The following PRH1 variants were observed in gnomAD, a reference collection of about 807,000 sequenced individuals.
The protein encoded by PRH1 is salivary acidic proline-rich phosphoprotein 1/2.
PRH1 carries 7 observed loss-of-function variants against 7.9 expected under a neutral mutation model. The ratio of observed to expected loss-of-function variants is 0.89; its 90% CI spans 0.50 to 1.67. The LOEUF is 1.67. Among genes scored for constraint, PRH1 ranks in the 40% most tolerant of loss-of-function variants. PRH1 has a pLI of 0.00. For missense variants in PRH1, 109 were observed against 223.6 expected (o/e 0.49, Z 3.27); for synonymous variants, 45 against 80.8 (o/e 0.56, Z 2.38).
intron 2 of PRH1, among the ~76,000 whole-genome samples, chr12:10,957,015 T>A (rs1937998942): frequency 6.6e-6 from 1 of 151,936 alleles, no homozygotes; most frequent in Non-Finnish European, 1.5e-5. Flanking sequence ...TCAATGCTAT[T>A]CCTGTCAAAT....
At chr12:10,914,728 A>G (rs1169879381) in intron 2 of PRH1, among the ~76,000 whole-genome samples, 2 of 152,194 alleles carry the variant, frequency 1.3e-5, no homozygotes, top group Non-Finnish European at 2.9e-5. Context: ...TGCAAGCAGG[A>G]AAAAAATATA....
downstream of PRH1, chr12:11,120,713 T>C (rs957550881): frequency 6.6e-6 from 1 of 152,172 alleles, no homozygotes; most frequent in Admixed American, 6.5e-5. Context: ...TTTGGTCCTA[T>C]GGGTGTTATT....
rs546920270 is a variant in PRH1, at chr12:11,062,653, A to G, written n.124-15465T>C. On this transcript the variant is annotated intron_variant and non_coding_transcript_variant, in intron 1 of 4. Coordinates refer to the PRH1 transcript ENST00000541977. ...GACATATTCACTTTCAGTGTTTGCA[A>G]TTTTTCCTTGTGTAACCTCTCCATC... 8.5e-4 allele frequency among the ~76,000 whole-genome samples: 129 copies of G among 152,120 alleles called. No individual in the cohort carries two copies. The Middle Eastern group carries it at 0.014, about 16-fold the overall frequency.
intron 2 of PRH1, among the ~76,000 whole-genome samples, chr12:10,922,342 C>A (rs893516362): frequency 6.6e-6 from 1 of 152,050 alleles, no homozygotes; most frequent in African/African-American, 2.4e-5. Flanking sequence ...CCGGTTTTTT[C>A]ATTTTGATTG....
intron 1 of PRH1, among the ~76,000 whole-genome samples, chr12:11,114,454 G>A (rs1463179523): frequency 6.6e-6 from 1 of 152,090 alleles, no homozygotes; most frequent in Non-Finnish European, 1.5e-5. Flanking sequence ...GCTAAACAAT[G>A]AGAACACATG....
intron 1 of PRH1, among the ~76,000 whole-genome samples, chr12:10,883,841 C>T (rs573284075): frequency 1.3e-5 from 2 of 152,310 alleles, no homozygotes; most frequent in South Asian, 4.1e-4. Context: ...ACAGGATCTT[C>T]ACAGCTGTAC....
intron 2 of PRH1, among the ~76,000 whole-genome samples, chr12:10,924,926 A>G (rs1019839910): frequency 6.6e-6 from 1 of 151,552 alleles, no homozygotes; most frequent in Non-Finnish European, 1.5e-5. Context: ...TGGTCTATCA[A>G]TTTTGTTGAT....
chr12:10,904,063 G>C (rs1555103566), intron 2 of PRH1, among the ~76,000 whole-genome samples: 1 of 151,388 alleles, frequency 6.6e-6, no homozygotes, highest in Non-Finnish European at 1.5e-5. Context: ...CTCATGGATA[G>C]GAAGAATGAA....
chr12:11,061,161 G>T (rs528431533), intron 1 of PRH1, among the ~76,000 whole-genome samples: 6 of 147,772 alleles, frequency 4.1e-5, no homozygotes, highest in African/African-American at 1.5e-4. Context: ...ATGTTCTTTT[G>T]TTTTTCATAC....
chr12:11,018,598 G>A (rs1478923004), intron 1 of PRH1, among the ~76,000 whole-genome samples: 4 of 151,196 alleles, frequency 2.6e-5, no homozygotes, highest in Non-Finnish European at 4.4e-5. Flanking sequence ...TAAAAATAGA[G>A]AATTTATTTG....
chr12:10,942,187 T>C (rs554070954), intron 2 of PRH1, among the ~76,000 whole-genome samples: 46 of 152,250 alleles, frequency 3.0e-4, no homozygotes, highest in African/African-American at 1.1e-3. Context: ...TCTATTTTTG[T>C]GTGGTTGGCC....
intron 1 of PRH1, among the ~76,000 whole-genome samples, chr12:11,136,134 T>C (rs1443648006): frequency 6.6e-6 from 1 of 152,190 alleles, no homozygotes; most frequent in African/African-American, 2.4e-5. Flanking sequence ...TAATTTATAT[T>C]GATTATTTCC....
Position 10,882,568 on chromosome 12 carries a change from T to G in PRH1, c.231A>C (p.Gly77=), listed in dbSNP as rs1220157123. 6.2e-7 allele frequency: 1 copy of G among 1,601,006 alleles called. No individual in the cohort carries two copies. The highest frequency in any genetic ancestry group is 8.5e-7 in the Non-Finnish European group (1 of 1,174,882). Residue 77 remains glycine (G), a synonymous_variant, in exon 3 of 4, where the codon GGA becomes GGC. Transcript: ENST00000543626. ...GTGGTGGACCTTGTTGCTGCTGGCC[T>G]CCTTGTTGGGGTGGTCCCTGCTGAG... The part of the protein sequence containing the change: ...DGPQQGPPQQ[G]GQQQQGPPPP...
intron 1 of PRH1, among the ~76,000 whole-genome samples, chr12:11,066,871 T>C: frequency 8.4e-6 from 1 of 119,368 alleles, no homozygotes. Flanking sequence ...TTCAAGAATT[T>C]CTTTGCTTCT....
At chr12:11,011,167 C>A (rs532498630) in intron 1 of PRH1, among the ~76,000 whole-genome samples, 4 of 152,022 alleles carry the variant, frequency 2.6e-5, no homozygotes, top group Non-Finnish European at 4.4e-5. Flanking sequence ...TGGTAATAAA[C>A]CTACCATGTC....
chr12:11,008,881 A>C (rs1183448475), intron 1 of PRH1, among the ~76,000 whole-genome samples: 1 of 151,994 alleles, frequency 6.6e-6, no homozygotes, highest in East Asian at 1.9e-4. Flanking sequence ...GCCTAGGTAT[A>C]GAATTATAGG....
chr12:11,141,066 C>A (rs182763538), intron 1 of PRH1, among the ~76,000 whole-genome samples: 1 of 152,266 alleles, frequency 6.6e-6, no homozygotes, highest in Admixed American at 6.5e-5. Context: ...CACATACACA[C>A]ATACTCACCC....
Position 11,137,995 on chromosome 12 carries a change from G to A in PRH1, n.40-16815C>T, listed in dbSNP as rs574285577. ...TGATTCTTATATTATTCCAGCATCAGGCCTAGGCAAATACCCTCACGTGGT... is the reference window on the plus strand; with the variant it reads ...TGATTCTTATATTATTCCAGCATCAAGCCTAGGCAAATACCCTCACGTGGT... On this transcript the variant is annotated intron_variant and non_coding_transcript_variant, in intron 1 of 1. Coordinates refer to the PRH1 transcript ENST00000541175. 2.0e-5 allele frequency among the ~76,000 whole-genome samples: 3 copies of A among 151,914 alleles called. No individual in the cohort carries two copies. In the East Asian group the frequency reaches 5.8e-4, roughly 29 times the overall value.
intron 1 of PRH1, among the ~76,000 whole-genome samples, chr12:11,097,749 G>A (rs1032966616): frequency 1.8e-5 from 2 of 113,862 alleles, no homozygotes; most frequent in African/African-American, 5.9e-5. Context: ...ATGATGAAGA[G>A]AATGATGATG....
Sources: gnomAD v4.1 joint callset for allele counts (sites outside exome capture counted in the v4.1 genomes callset) on GRCh38, gnomAD v4.1.1 for gene constraint, MANE v1.5 for transcripts, NCBI Gene and HGNC (gene_info 2026-07-23, HGNC 2026-07-21) for gene names.